TESPA1: variants seen among roughly 807,000 people sequenced by gnomAD.
TESPA1 encodes the protein protein TESPA1.
A neutral mutation model predicts 57.9 loss-of-function variants in TESPA1; 33 were observed. The ratio of observed to expected loss-of-function variants is 0.57; its 90% CI spans 0.43 to 0.76. The LOEUF (loss-of-function observed/expected upper bound fraction) is 0.76, where lower values mean the gene tolerates loss of function less well. TESPA1 is among the 30% of genes least tolerant of loss of function. TESPA1 has a pLI of 0.00. For missense variants in TESPA1, 618 were observed against 632.9 expected (o/e 0.98, Z 0.25); for synonymous variants, 227 against 228.9 (o/e 0.99, Z 0.07).
intron 9 of TESPA1, 79 bp from the exon 10 acceptor site, chr12:54,961,346 G>A: frequency 4.0e-6 from 6 of 1,511,032 alleles, no homozygotes; most frequent in Non-Finnish European, 5.5e-6. Context: ...GCAGGTAGCT[G>A]TAGGGGAAGG....
At chr12:54,958,891 T>A (rs1379278457) in intron 10 of TESPA1, among the ~76,000 whole-genome samples, 1 of 152,210 alleles carries the variant, frequency 6.6e-6, no homozygotes, top group African/African-American at 2.4e-5. Flanking sequence ...TCTCTGTTCA[T>A]TTGTTCTTGC....
chr12:54,963,389 A>C (rs891538817), intron 8 of TESPA1, 147 bp from the exon 9 acceptor site: 3 of 864,846 alleles, frequency 3.5e-6, no homozygotes, highest in Non-Finnish European at 5.1e-6. Flanking sequence ...GATTTCTAAC[A>C]CTCTTTTTCT....
At chr12:54,975,088 G>A (rs1271001194) in intron 1 of TESPA1, among the ~76,000 whole-genome samples, 1 of 151,966 alleles carries the variant, frequency 6.6e-6, no homozygotes, top group Non-Finnish European at 1.5e-5. Flanking sequence ...GATTTTCTAA[G>A]GTCCCACAAC....
At position 54,949,255 on chromosome 12, in the gene TESPA1, C is replaced by T. The variant is rs1351798812; in HGVS notation, c.*1137G>A. Reference sequence around the variant, plus strand: ...ACGTATCAGACTCAGTTTGTGCCTTCTCCCCTAATGCTGGCAATAGCACCA... The same window carrying T: ...ACGTATCAGACTCAGTTTGTGCCTTTTCCCCTAATGCTGGCAATAGCACCA... On this transcript the variant is annotated 3_prime_UTR_variant, in exon 11 of 11. Transcript: ENST00000449076. 6.6e-6 allele frequency: 1 copy of T among 152,176 alleles called. No homozygotes were observed. The highest frequency in any genetic ancestry group is 1.5e-5 in the Non-Finnish European group (1 of 68,036). The allele number at this position is 152,176 out of a possible 1,614,324, so 9.4% of individuals were successfully genotyped here.
chr12:54,980,494 A>G (rs1475963431), intron 1 of TESPA1, among the ~76,000 whole-genome samples: 2 of 152,178 alleles, frequency 1.3e-5, no homozygotes, highest in Non-Finnish European at 2.9e-5. Flanking sequence ...GGCACCACAG[A>G]GCAATGAGAG....
Position 54,963,830 on chromosome 12 carries a change from G to C in TESPA1, c.567C>G (p.Pro189=). 1.9e-6 allele frequency: 3 copies of C among 1,614,000 alleles called. No individual in the cohort carries two copies. Among genetic ancestry groups the C allele is most frequent in the Admixed American group, 1.7e-5 (1 of 60,020 alleles). ...GGAAATCAATGCCCTTGGCCTGAGA[G>C]GGGGTGGTGAAAAATCGGGCGGGTA... is the stretch of plus-strand genomic sequence containing the variant. ...SRIPARFFTT[P]SQAKGIDFQL... Residue 189 remains proline (P), a synonymous_variant, in exon 8 of 11, where the codon CCC becomes CCG. Coordinates refer to ENST00000449076, the MANE Select transcript of TESPA1 (RefSeq NM_001136030.3).
At chr12:54,967,339 T>C in intron 4 of TESPA1, 103 bp from the exon 5 acceptor site, 1 of 1,299,318 alleles carries the variant, frequency 7.7e-7, no homozygotes, top group Non-Finnish European at 1.1e-6. Context: ...GCCCTTAGAC[T>C]AGACTTGCAC....
chr12:54,958,830 G>A (rs1221522934), intron 10 of TESPA1, among the ~76,000 whole-genome samples: 2 of 151,996 alleles, frequency 1.3e-5, no homozygotes, highest in South Asian at 4.2e-4. Context: ...CCTCATTTCT[G>A]TGACACCATT....
intron 3 of TESPA1, among the ~76,000 whole-genome samples, chr12:54,969,285 G>A (rs7968620): frequency 0.36 from 55,126 of 151,348 alleles, 12,920 homozygotes; most frequent in East Asian, 0.92. Flanking sequence ...ATTACATAAA[G>A]TATGTTGTGG....
At chr12:54,975,145 T>C (rs921014082) in intron 1 of TESPA1, among the ~76,000 whole-genome samples, 2 of 152,130 alleles carry the variant, frequency 1.3e-5, no homozygotes, top group African/African-American at 4.8e-5. Flanking sequence ...GTTTGTTTAG[T>C]TTTTGTCTTG....
At chr12:54,964,856 G>C (rs960882074) in intron 7 of TESPA1, among the ~76,000 whole-genome samples, 1 of 152,186 alleles carries the variant, frequency 6.6e-6, no homozygotes, top group African/African-American at 2.4e-5. Flanking sequence ...ATGGCTACAT[G>C]TTAGGGTCAC....
chr12:54,969,045 A>ATGTGTGTGTG lies in TESPA1; in HGVS notation c.207-1163_207-1154dup, dbSNP rs112377819. Among the ~76,000 whole-genome samples the ATGTGTGTGTG allele has an allele frequency of 6.5e-4, 75 of 115,812 alleles. 2 individuals are homozygous for ATGTGTGTGTG. Among genetic ancestry groups the ATGTGTGTGTG allele is most frequent in the African/African-American group, 2.8e-3 (73 of 26,140 alleles). The allele number at this position is 115,812 out of a possible 152,430, so 76.0% of individuals were successfully genotyped here. On this transcript the variant is annotated intron_variant, in intron 3 of 10. Coordinates refer to ENST00000449076, the MANE Select transcript of TESPA1 (RefSeq NM_001136030.3). ...TGTATATATATATATATATATATAT[A>ATGTGTGTGTG]TGTGTGTGTGTAGATAGATAGATAT...
At chr12:54,966,350 AG>A in intron 6 of TESPA1, 37 bp downstream of exon 6, 1 of 1,613,764 alleles carries the variant, frequency 6.2e-7, no homozygotes, top group Non-Finnish European at 8.5e-7. Flanking sequence ...TGATTCTTAA[AG>A]GAGACATCAT....
In TESPA1 at chr12:54,950,234, C is replaced by A. The variant is rs778744612; in HGVS notation, c.*158G>T. On this transcript the variant is annotated 3_prime_UTR_variant, in exon 11 of 11. Transcript: ENST00000449076. ...CAGTCTGGTCTTCCTCCCCATGTAC[C>A]ATGCTGCCTTTCTCCTGCAGAGTTT... 4.4e-6 allele frequency: 2 copies of A among 456,036 alleles called. No homozygotes were observed. Among genetic ancestry groups the A allele is most frequent in the South Asian group, 1.6e-5 (1 of 64,494 alleles). The allele number at this position is 456,036 out of a possible 1,614,324, so 28.2% of individuals were successfully genotyped here. A position where few individuals can be genotyped will look rare whatever the true frequency, so the allele number is the denominator to read the frequency against.
intron 10 of TESPA1, among the ~76,000 whole-genome samples, chr12:54,957,883 A>G (rs1950831518): frequency 6.6e-6 from 1 of 152,240 alleles, no homozygotes; most frequent in African/African-American, 2.4e-5. Context: ...GGCTGACACT[A>G]TGAATTTTAA....
Position 54,966,109 on chromosome 12 carries a change from A to G in TESPA1, c.390T>C (p.Leu130=). The G allele has an allele frequency of 1.3e-6, 2 of 1,577,008 alleles. No individual in the cohort carries two copies. The highest frequency in any genetic ancestry group is 1.2e-5 in the South Asian group (1 of 85,872). ...ETARPCQLLD[L]GCSLASSSMT... The stretch of plus-strand genomic sequence containing the variant: ...TGCTGCTGGAAGCCAAACTACAGCC[A>G]AGATCAAGTAGCTGGCAAGGCCTGG... The change falls in exon 7 of 11, where the codon CTT becomes CTC. Residue 130 remains leucine, a synonymous_variant. Coordinates refer to ENST00000449076, the MANE Select transcript of TESPA1 (RefSeq NM_001136030.3).
At chr12:54,964,115 A>G (rs1474939160) in intron 7 of TESPA1, among the ~76,000 whole-genome samples, 165 bp from the exon 8 acceptor site, 1 of 152,232 alleles carries the variant, frequency 6.6e-6, no homozygotes, top group African/African-American at 2.4e-5. Context: ...CTGAACCTAA[A>G]TTATCTGTTG....
Position 54,966,073 on chromosome 12 carries a change from C to T in TESPA1, c.426G>A (p.Gly142=), listed in dbSNP as rs1229921765. The T allele has an allele frequency of 1.3e-6, 2 of 1,575,732 alleles. No homozygotes were observed. Among genetic ancestry groups the T allele is most frequent in the Admixed American group, 1.8e-5 (1 of 54,798 alleles). The change falls in exon 7 of 11, where the codon GGG becomes GGA. Residue 142 remains glycine, a synonymous_variant. Coordinates refer to ENST00000449076, the MANE Select transcript of TESPA1 (RefSeq NM_001136030.3). ...CSLASSSMTG[G]TNKTSSSISE... ...CCTACCTTGAACTAGTCTTGTTGGT[C>T]CCCCCAGTCATGCTGCTGGAAGCCA...
chr12:54,957,723 A>G (rs1228951742), intron 10 of TESPA1, among the ~76,000 whole-genome samples: 1 of 152,240 alleles, frequency 6.6e-6, no homozygotes, highest in Non-Finnish European at 1.5e-5. Context: ...ATAGAAAAAA[A>G]TCACAAAATA....
Sources: allele counts gnomAD v4.1 joint callset (sites outside exome capture counted in the v4.1 genomes callset), GRCh38; gene constraint gnomAD v4.1.1; transcripts MANE v1.5; gene names NCBI Gene and HGNC (gene_info 2026-07-23, HGNC 2026-07-21).